Variants in SORCS1 observed in about 807,000 individuals in gnomAD.
SORCS1 encodes the protein VPS10 domain-containing receptor SorCS1.
SORCS1 carries 60 observed loss-of-function variants against 146.1 expected under a neutral mutation model. The ratio of observed to expected loss-of-function variants is 0.41; its 90% CI spans 0.33 to 0.51. SORCS1 has a LOEUF of 0.51. Among genes scored for constraint, SORCS1 ranks in the 20% least tolerant of loss-of-function variants. The pLI is 0.21. For missense variants in SORCS1, 1,352 were observed against 1,487.6 expected (o/e 0.91, Z 1.50); for synonymous variants, 637 against 584.0 (o/e 1.09, Z -1.31).
At chr10:106,596,116 C>T (rs1269918) in intron 24 of SORCS1, among the ~76,000 whole-genome samples, 61,501 of 151,918 alleles carry the variant, frequency 0.4, 15,473 homozygotes, top group Non-Finnish European at 0.55. Context: ...AGATTGAAAC[C>T]AATGTTCTGA....
intron 2 of SORCS1, among the ~76,000 whole-genome samples, chr10:106,833,950 T>A (rs1196197201): frequency 6.6e-6 from 1 of 152,122 alleles, no homozygotes; most frequent in Non-Finnish European, 1.5e-5. Flanking sequence ...CCCGCCACCA[T>A]GCCCAGCTAA....
intron 1 of SORCS1, among the ~76,000 whole-genome samples, chr10:107,010,224 A>G (rs1349183579): frequency 6.6e-6 from 1 of 152,234 alleles, no homozygotes; most frequent in Non-Finnish European, 1.5e-5. Flanking sequence ...CTGTTTTAAT[A>G]CTTTCTAAAG....
intron 5 of SORCS1, among the ~76,000 whole-genome samples, chr10:106,747,382 T>C (rs1018949976): frequency 1.9e-4 from 29 of 152,210 alleles, no homozygotes; most frequent in Admixed American, 1.8e-3. Flanking sequence ...TCTCTAGCAT[T>C]TTTTAGAAGA....
intron 6 of SORCS1, among the ~76,000 whole-genome samples, chr10:106,716,289 G>C (rs1342427157): frequency 6.6e-6 from 1 of 152,130 alleles, no homozygotes; most frequent in Admixed American, 6.5e-5. Flanking sequence ...CTTCCTGTTG[G>C]AGCTATCTTC....
In SORCS1 at chr10:107,058,887, G is replaced by C. The variant is rs74154842; in HGVS notation, c.559-102307C>G. Among the ~76,000 whole-genome samples the C allele has an allele frequency of 7.2e-3, 1,099 of 152,206 alleles. 25 individuals are homozygous for C. Among genetic ancestry groups the C allele is most frequent in the African/African-American group, 0.025 (1,046 of 41,530 alleles). ...TTTAAAGCATTTCAAATCTTACTCT[G>C]TTTGAATATCAAATGGCAATAAGGT... On this transcript the variant is annotated intron_variant, in intron 1 of 25. Transcript: ENST00000263054.
chr10:107,081,322 T>A (rs754554399), intron 1 of SORCS1, among the ~76,000 whole-genome samples: 15 of 152,232 alleles, frequency 9.9e-5, no homozygotes, highest in Non-Finnish European at 1.5e-5. Context: ...GAATCTGCCA[T>A]GAATTTCTTC....
intron 3 of SORCS1, among the ~76,000 whole-genome samples, chr10:106,820,931 G>A (rs1947990563): frequency 6.6e-6 from 1 of 152,182 alleles, no homozygotes; most frequent in Admixed American, 6.5e-5. Flanking sequence ...TCATAAAAGG[G>A]TAATGGATGG....
intron 1 of SORCS1, among the ~76,000 whole-genome samples, chr10:107,031,140 A>T (rs1471432117): frequency 6.6e-6 from 1 of 152,204 alleles, no homozygotes; most frequent in Non-Finnish European, 1.5e-5. Flanking sequence ...AGACAAAAAA[A>T]GTCAGAAGTT....
chr10:106,967,903 A>T (rs914653687), intron 1 of SORCS1, among the ~76,000 whole-genome samples: 8 of 145,738 alleles, frequency 5.5e-5, no homozygotes, highest in Middle Eastern at 3.2e-3. Flanking sequence ...AAAGTCTATT[A>T]AAAAAAAAAA....
At chr10:107,091,848 T>G (rs1288863853) in intron 1 of SORCS1, among the ~76,000 whole-genome samples, 1 of 152,236 alleles carries the variant, frequency 6.6e-6, no homozygotes. Context: ...ATCTTAATAT[T>G]CTGCAATGGC....
intron 5 of SORCS1, among the ~76,000 whole-genome samples, chr10:106,736,887 AT>A (rs1356549165): frequency 6.6e-6 from 1 of 152,222 alleles, no homozygotes; most frequent in Non-Finnish European, 1.5e-5. Context: ...AAACAGACAG[AT>A]AAAAACAATG....
At chr10:106,883,796 C>T (rs1950895315) in intron 2 of SORCS1, among the ~76,000 whole-genome samples, 1 of 152,178 alleles carries the variant, frequency 6.6e-6, no homozygotes. Context: ...TCTGACTCAC[C>T]AGGGAAAAGA....
intron 15 of SORCS1, among the ~76,000 whole-genome samples, chr10:106,671,611 A>C (rs1011462359): frequency 3.3e-5 from 5 of 152,232 alleles, no homozygotes; most frequent in Admixed American, 2.6e-4. Context: ...TGCACTTATC[A>C]AGCCTTTATT....
chr10:107,142,118 A>G (rs1967896310), intron 1 of SORCS1, among the ~76,000 whole-genome samples: 1 of 152,102 alleles, frequency 6.6e-6, no homozygotes. Context: ...AGGGAAATGG[A>G]CCCTGGCTTG....
At chr10:106,628,962 G>C (rs181461405) in intron 19 of SORCS1, among the ~76,000 whole-genome samples, 1 of 152,154 alleles carries the variant, frequency 6.6e-6, no homozygotes, top group Non-Finnish European at 1.5e-5. Flanking sequence ...GGCACCCGGG[G>C]TAAGCAGAGG....
At chr10:106,578,653 T>G in intron 25 of SORCS1, 12 of 997,110 alleles carry the variant, frequency 1.2e-5, no homozygotes, top group Non-Finnish European at 1.4e-5. Flanking sequence ...CAGTTTGCCC[T>G]CCTTAAGAGC....
chr10:106,752,230 A>G (rs968563724), intron 5 of SORCS1, among the ~76,000 whole-genome samples: 20 of 152,190 alleles, frequency 1.3e-4, no homozygotes, highest in African/African-American at 4.3e-4. Context: ...TATCTGTGAC[A>G]TCATCACATT....
At chr10:107,070,935 C>A (rs993240621) in intron 1 of SORCS1, among the ~76,000 whole-genome samples, 1 of 152,024 alleles carries the variant, frequency 6.6e-6, no homozygotes, top group African/African-American at 2.4e-5. Context: ...AAAAAATAGT[C>A]CCATAAACGA....
chr10:106,704,320 G>A (rs1274857642), intron 8 of SORCS1, among the ~76,000 whole-genome samples: 1 of 152,146 alleles, frequency 6.6e-6, no homozygotes, highest in Non-Finnish European at 1.5e-5. Flanking sequence ...ACTACCTTGA[G>A]AGTCAGGAGA....
Sources: gnomAD v4.1 joint callset for allele counts (sites outside exome capture counted in the v4.1 genomes callset) on GRCh38, gnomAD v4.1.1 for gene constraint, MANE v1.5 for transcripts, NCBI Gene and HGNC (gene_info 2026-07-23, HGNC 2026-07-21) for gene names.